ZPBP: variants seen among roughly 807,000 people sequenced by gnomAD.
The protein encoded by ZPBP is zona pellucida-binding protein 1.
In ZPBP, 26 loss-of-function variants were observed where a neutral mutation model predicts 44.8. That is an observed-to-expected ratio of 0.58 (90% CI 0.43 to 0.81). The LOEUF is 0.81. ZPBP is among the 30% of genes least tolerant of loss of function. ZPBP has a pLI of 0.00. For missense variants in ZPBP, 409 were observed against 434.0 expected (o/e 0.94, Z 0.51); for synonymous variants, 174 against 153.2 (o/e 1.14, Z -1.00).
chr7:49,875,383 A>AAAAC (rs1409080599), intron 2 of ZPBP, among the ~76,000 whole-genome samples: 1 of 149,542 alleles, frequency 6.7e-6, no homozygotes, highest in East Asian at 1.9e-4. Context: ...AAAAAAAAAA[A>AAAAC]AAAAAAAAAA....
chr7:49,846,889 A>T (rs1789963724), downstream of ZPBP, among the ~76,000 whole-genome samples: 1 of 152,234 alleles, frequency 6.6e-6, no homozygotes, highest in South Asian at 2.1e-4. Context: ...TAAATGAGGT[A>T]AAATATTATG....
chr7:49,995,276 T>C (rs1396954893), intron 6 of ZPBP, among the ~76,000 whole-genome samples: 3 of 151,974 alleles, frequency 2.0e-5, no homozygotes, highest in African/African-American at 4.8e-5. Context: ...AGCTGGGGAG[T>C]TGATATTCTT....
chr7:49,956,217 T>C (rs973070993), intron 7 of ZPBP, among the ~76,000 whole-genome samples: 1 of 152,060 alleles, frequency 6.6e-6, no homozygotes, highest in East Asian at 1.9e-4. Context: ...ATTTCCATTA[T>C]TATCTAGAAA....
At chr7:50,087,183 A>G (rs995171154) in intron 2 of ZPBP, among the ~76,000 whole-genome samples, 5 of 152,040 alleles carry the variant, frequency 3.3e-5, no homozygotes, top group Admixed American at 6.6e-5. Context: ...GTCATTACAT[A>G]CCAACTTGTT....
chr7:49,984,640 C>T (rs1248122791), intron 6 of ZPBP, among the ~76,000 whole-genome samples: 1 of 152,158 alleles, frequency 6.6e-6, no homozygotes, highest in Non-Finnish European at 1.5e-5. Flanking sequence ...ACTGATCTGA[C>T]AGGAAGCGGG....
chr7:49,967,267 C>A (rs1284165015), intron 7 of ZPBP, among the ~76,000 whole-genome samples: 1 of 152,140 alleles, frequency 6.6e-6, no homozygotes, highest in African/African-American at 2.4e-5. Context: ...GGATAACTGA[C>A]CCCTTTCTTT....
chr7:49,908,057 T>C (rs909795061), intron 1 of ZPBP, among the ~76,000 whole-genome samples: 1 of 152,238 alleles, frequency 6.6e-6, no homozygotes, highest in African/African-American at 2.4e-5. Context: ...TTTCAAAATA[T>C]GTCAAAGAAA....
At chr7:50,046,833 G>A (rs1173592017) in intron 4 of ZPBP, among the ~76,000 whole-genome samples, 2 of 152,182 alleles carry the variant, frequency 1.3e-5, no homozygotes, top group Non-Finnish European at 2.9e-5. Flanking sequence ...CTACTATAAA[G>A]ACACATGTAT....
chr7:49,927,878 A>G (rs1794302096), intron 1 of ZPBP, among the ~76,000 whole-genome samples: 1 of 152,224 alleles, frequency 6.6e-6, no homozygotes, highest in Non-Finnish European at 1.5e-5. Flanking sequence ...TAGTAAGTCT[A>G]CAGATGGTGG....
chr7:49,910,750 A>C (rs1284954994), intron 1 of ZPBP, among the ~76,000 whole-genome samples: 1 of 152,198 alleles, frequency 6.6e-6, no homozygotes, highest in Non-Finnish European at 1.5e-5. Context: ...AATTACAGAG[A>C]TCCTCAATTC....
intron 1 of ZPBP, chr7:49,921,042 C>T (rs940625905): frequency 2.0e-5 from 3 of 152,176 alleles, no homozygotes; most frequent in African/African-American, 7.2e-5. Flanking sequence ...TATTAAACAA[C>T]ATCAATTTTA....
intron 4 of ZPBP, among the ~76,000 whole-genome samples, chr7:50,052,737 G>T (rs1721142228): frequency 6.6e-6 from 1 of 152,112 alleles, no homozygotes; most frequent in Non-Finnish European, 1.5e-5. Context: ...ACAAACTGTG[G>T]TATATGCATA....
intron 6 of ZPBP, among the ~76,000 whole-genome samples, chr7:50,013,286 A>G (rs1021906874): frequency 2.0e-5 from 3 of 151,928 alleles, no homozygotes; most frequent in Non-Finnish European, 2.9e-5. Context: ...AAAAACCTGC[A>G]TAATGTAACA....
In ZPBP at chr7:49,871,887, G is replaced by T. The variant is rs1383074447; in HGVS notation, n.510-21373C>A. Among the ~76,000 whole-genome samples the T allele has an allele frequency of 3.4e-5, 4 of 118,698 alleles. No individual in the cohort carries two copies. The East Asian group carries it at 1.2e-3, about 35-fold the overall frequency. 77.9% of individuals were successfully genotyped at this position (118,698 alleles called of 152,430 possible). On this transcript the variant is annotated intron_variant and non_coding_transcript_variant, in intron 2 of 2. Transcript: ENST00000465922. Reference sequence around the variant, plus strand: ...CATATGTGCATATATAATGTTTTTTGTATGTATATGTGTGTATATAAACAC... The same window carrying T: ...CATATGTGCATATATAATGTTTTTTTTATGTATATGTGTGTATATAAACAC...
At chr7:49,919,571 A>G (rs1667983231) in intron 1 of ZPBP, 1 of 152,220 alleles carries the variant, frequency 6.6e-6, no homozygotes, top group Admixed American at 6.5e-5. Context: ...AAAAATCCTC[A>G]CAAACCCCAA....
rs140786037 is a variant in ZPBP at position 49,963,602 on chromosome 7, T to C, written c.961+19740A>G. ...GGAAATTTCTGCATCTTCATAGTGA[T>C]GTTAACTGATGTTAGTTAAATGTTA... On this transcript the variant is annotated intron_variant, in intron 7 of 7. Transcript: ENST00000046087. Among the ~76,000 whole-genome samples, 509 of 151,968 alleles carry C rather than the reference T, an allele frequency of 3.3e-3. 1 individual carries two copies. The highest frequency in any genetic ancestry group is 0.011 in the African/African-American group (470 of 41,564).
At chr7:50,054,429 A>T (rs1018495054) in intron 4 of ZPBP, among the ~76,000 whole-genome samples, 1 of 152,172 alleles carries the variant, frequency 6.6e-6, no homozygotes, top group Non-Finnish European at 1.5e-5. Flanking sequence ...GGAATTGAAA[A>T]GGCAATCTAC....
the ZPBP span, among the ~76,000 whole-genome samples, chr7:49,841,737 T>C: frequency 6.6e-6 from 1 of 152,236 alleles, no homozygotes; most frequent in Admixed American, 6.5e-5. Context: ...TCCACACATT[T>C]CTTATAATGT....
At position 49,852,345 on chromosome 7, in the gene ZPBP, AAAG is replaced by A. The variant is rs201484560; in HGVS notation, n.510-1834_510-1832del. Among the ~76,000 whole-genome samples, 97 of 152,326 alleles carry A rather than the reference AAAG, an allele frequency of 6.4e-4. No individual in the cohort carries two copies. The East Asian group carries it at 0.017, about 27-fold the overall frequency. On this transcript the variant is annotated intron_variant and non_coding_transcript_variant, in intron 2 of 2. Transcript: ENST00000465922. Reference sequence around the variant, plus strand: ...CAGATGACATTGCAGGCTCTGGTTCAAAGAAGAGGCCTGGCAGGCATGAGCTGG... The same window carrying A: ...CAGATGACATTGCAGGCTCTGGTTCAAAGAGGCCTGGCAGGCATGAGCTGG...
Sources: allele counts gnomAD v4.1 joint callset (sites outside exome capture counted in the v4.1 genomes callset), GRCh38; gene constraint gnomAD v4.1.1; transcripts MANE v1.5; gene names NCBI Gene and HGNC (gene_info 2026-07-23, HGNC 2026-07-21).